Variants in SCO2 observed in about 807,000 individuals in gnomAD.
The protein encoded by SCO2 is synthesis of cytochrome C oxidase 2.
For synonymous variants in SCO2, 195 were observed against 148.6 expected (o/e 1.31, Z -2.27); for missense variants, 429 against 348.7 (o/e 1.23, Z -1.83).
At chr22:50,524,628 C>T (rs938390788) in intron 1 of SCO2, 13 of 709,384 alleles carry the variant, frequency 1.8e-5, no homozygotes, top group South Asian at 4.5e-5. Context: ...TCACTCCTGT[C>T]CTCTACCTGG....
upstream of SCO2, chr22:50,526,268 C>T (rs764142194): frequency 5.5e-5 from 85 of 1,541,616 alleles, no homozygotes; most frequent in African/African-American, 7.0e-5. Context: ...CCAGCAGCTC[C>T]TCCTGCTCCC....
In SCO2 at chr22:50,523,865, C is replaced by T. The variant is rs1483105876; in HGVS notation, c.547G>A (p.Asp183Asn). Residue 183 changes from aspartate (D) to asparagine (N), a missense_variant, in exon 2 of 2, where the codon GAC becomes AAC. By Grantham distance (23) the Asp-to-Asn change is conservative. Transcript: ENST00000395693. ...AGACCCAACAGTCTTGGGTGGAAGTCCTGGACGTAGCGGGCCATGGCTTCA... is the reference window on the plus strand; with the variant it reads ...AGACCCAACAGTCTTGGGTGGAAGTTCTGGACGTAGCGGGCCATGGCTTCA... ...DVEAMARYVQDFHPRLLGLTG... is the reference protein window; with the variant it reads ...DVEAMARYVQNFHPRLLGLTG... 5.0e-6 allele frequency: 8 copies of T among 1,613,866 alleles called. No individual in the cohort carries two copies. Among genetic ancestry groups the T allele is most frequent in the East Asian group, 2.2e-5 (1 of 44,894 alleles).
Position 50,525,570 on chromosome 22 carries a change from C to G in SCO2, c.-112G>C. On this transcript the variant is annotated 5_prime_UTR_variant, in exon 1 of 2. Coordinates refer to ENST00000395693, the MANE Select transcript of SCO2 (RefSeq NM_005138.3). The stretch of plus-strand genomic sequence containing the variant: ...CCGCCGGCTCAGGGAAAGCGGGCGC[C>G]ACACGCTCACAGGCAGGGCGCAGGC... 1.3e-6 allele frequency: 1 copy of G among 770,058 alleles called. No individual in the cohort carries two copies. The highest frequency in any genetic ancestry group is 2.1e-6 in the Non-Finnish European group (1 of 486,942). 47.7% of individuals were successfully genotyped at this position (770,058 alleles called of 1,614,324 possible).
At position 50,524,177 on chromosome 22, in the gene SCO2, TCA is replaced by T. The variant is rs2069220686; in HGVS notation, c.233_234del (p.Leu78GlnfsTer3). On this transcript the variant is annotated frameshift_variant, in exon 2 of 2. Transcript: ENST00000395693. LOFTEE classifies it low-confidence loss of function (END_TRUNC). The part of the protein sequence containing the change: ...GAGLGGAWLA[L>X]RAEKERLQQQ... ...TGCTGCAGCCTCTCCTTCTCAGCCCTCAGGGCCAGCCAGGCCCCACCGAGTCC... is the reference window on the plus strand; with the variant it reads ...TGCTGCAGCCTCTCCTTCTCAGCCCTGGGCCAGCCAGGCCCCACCGAGTCC... The T allele has an allele frequency of 3.7e-6, 6 of 1,609,660 alleles. No individual in the cohort carries two copies. The highest frequency in any genetic ancestry group is 4.2e-6 in the Non-Finnish European group (5 of 1,179,932).
upstream of SCO2, chr22:50,525,623 G>GA: frequency 8.0e-7 from 1 of 1,253,898 alleles, no homozygotes; most frequent in East Asian, 2.6e-5. Flanking sequence ...TGCGCACACG[G>GA]GCGCAGCCGC....
Position 50,524,060 on chromosome 22 carries a change from C to A in SCO2, c.352G>T (p.Asp118Tyr). 6.2e-7 allele frequency: 1 copy of A among 1,613,364 alleles called. No homozygotes were observed. The highest frequency in any genetic ancestry group is 1.1e-5 in the South Asian group (1 of 91,084). Residue 118 changes from aspartate to tyrosine, a missense_variant, in exon 2 of 2, where the codon GAC becomes TAC. By Grantham distance (160) the Asp-to-Tyr change is radical (BLOSUM62 -3). Transcript: ENST00000395693. Reference sequence around the variant, plus strand: ...ATCAGCACCCACTGGCCCCGGAAGTCAGCCTTGCAGCGAGCCCGGCCTCTG... The same window carrying A: ...ATCAGCACCCACTGGCCCCGGAAGTAAGCCTTGCAGCGAGCCCGGCCTCTG... The part of the protein sequence containing the change: ...DHRGRARCKA[D>Y]FRGQWVLMYF...
At chr22:50,524,649 C>G in intron 1 of SCO2, 1 of 700,342 alleles carries the variant, frequency 1.4e-6, no homozygotes, top group Admixed American at 2.0e-5. Context: ...GATCACCAGC[C>G]TGTCACCGCA....
chr22:50,525,538 C>A lies in SCO2; in HGVS notation c.-80G>T, dbSNP rs566024041. On this transcript the variant is annotated 5_prime_UTR_variant, in exon 1 of 2. Coordinates refer to ENST00000395693, the MANE Select transcript of SCO2 (RefSeq NM_005138.3). The stretch of plus-strand genomic sequence containing the variant: ...AAGCGCCGACCTCCAGCTCCCTGCG[C>A]TCTGCCCCGCCGGCTCAGGGAAAGC... The A allele has an allele frequency of 3.1e-6, 2 of 636,714 alleles. No individual in the cohort carries two copies. The highest frequency in any genetic ancestry group is 2.9e-5 in the Admixed American group (1 of 34,698). The allele number at this position is 636,714 out of a possible 1,614,324, so 39.4% of individuals were successfully genotyped here. A position where few individuals can be genotyped will look rare whatever the true frequency, so the allele number is the denominator to read the frequency against.
upstream of SCO2, chr22:50,525,807 G>C (rs11479): frequency 3.7e-6 from 6 of 1,610,356 alleles, no homozygotes; most frequent in Non-Finnish European, 5.1e-6. Context: ...TGCGAAGGGC[G>C]AGGGGGCGGC....
In SCO2 at chr22:50,525,469, CACCTCGCGGCGGGGCCGCGCGTCAGT is replaced by C. The variant is rs1375987205; in HGVS notation, c.-37_-14+2del. 2 of 468,350 alleles carry C rather than the reference CACCTCGCGGCGGGGCCGCGCGTCAGT, an allele frequency of 4.3e-6. No homozygotes were observed. Among genetic ancestry groups the C allele is most frequent in the South Asian group, 2.3e-5 (1 of 42,778 alleles). 29.0% of individuals were successfully genotyped at this position (468,350 alleles called of 1,614,324 possible). A position where few individuals can be genotyped will look rare whatever the true frequency, so the allele number is the denominator to read the frequency against. On this transcript the variant is annotated splice_donor_variant and 5_prime_UTR_variant, in exon 1 of 2. Transcript: ENST00000395693. LOFTEE classifies it low-confidence loss of function (5UTR_SPLICE). Reference sequence around the variant, plus strand: ...CCTCCCCTCCCAGCCCCGGCGTCCGCACCTCGCGGCGGGGCCGCGCGTCAGTGGACCAAGCACGAGAGGAAGCGCCG... The same window carrying C: ...CCTCCCCTCCCAGCCCCGGCGTCCGCGGACCAAGCACGAGAGGAAGCGCCG...
At chr22:50,525,670 C>T (rs1358120710), upstream of SCO2, 3 of 1,526,868 alleles carry the variant, frequency 2.0e-6, no homozygotes, top group Middle Eastern at 4.2e-4. Flanking sequence ...AGGCGGAGCC[C>T]GCCGGGGGTC....
upstream of SCO2, chr22:50,526,158 TGA>T: frequency 6.8e-7 from 1 of 1,475,624 alleles, no homozygotes; most frequent in Non-Finnish European, 8.9e-7. Flanking sequence ...GGAGAGGGGC[TGA>T]GAGGCGCGGG....
Position 50,525,474 on chromosome 22 carries a change from C to T in SCO2, c.-16G>A. On this transcript the variant is annotated splice_region_variant and 5_prime_UTR_variant, in exon 1 of 2. Coordinates refer to ENST00000395693, the MANE Select transcript of SCO2 (RefSeq NM_005138.3). ...CCTCCCAGCCCCGGCGTCCGCACCT[C>T]GCGGCGGGGCCGCGCGTCAGTGGAC... 1 of 475,288 alleles carries T rather than the reference C, an allele frequency of 2.1e-6. No homozygotes were observed. Among genetic ancestry groups the T allele is most frequent in the Non-Finnish European group, 3.8e-6 (1 of 266,476 alleles). The allele number at this position is 475,288 out of a possible 1,614,324, so 29.4% of individuals were successfully genotyped here. A position where few individuals can be genotyped will look rare whatever the true frequency, so the allele number is the denominator to read the frequency against.
upstream of SCO2, chr22:50,526,258 C>T (rs771700483): frequency 5.1e-5 from 78 of 1,535,998 alleles, no homozygotes; most frequent in Non-Finnish European, 6.5e-5. Context: ...TCTGCGGGCG[C>T]CAGCAGCTCC....
At chr22:50,526,328 G>A (rs771137260), upstream of SCO2, 12 of 1,561,576 alleles carry the variant, frequency 7.7e-6, no homozygotes, top group African/African-American at 1.7e-4. Context: ...CCGAGCACAG[G>A]GCTCGGGCCA....
chr22:50,525,682 C>T, upstream of SCO2: 1 of 1,542,422 alleles, frequency 6.5e-7, no homozygotes, highest in Non-Finnish European at 8.8e-7. Context: ...CCGGGGGTCA[C>T]GTGTTCATCG....
chr22:50,525,532 C>G lies in SCO2; in HGVS notation c.-74G>C. 1.6e-6 allele frequency: 1 copy of G among 615,720 alleles called. No individual in the cohort carries two copies. The highest frequency in any genetic ancestry group is 3.0e-5 in the Admixed American group (1 of 33,346). 38.1% of individuals were successfully genotyped at this position (615,720 alleles called of 1,614,324 possible). ...GAGAGGAAGCGCCGACCTCCAGCTC[C>G]CTGCGCTCTGCCCCGCCGGCTCAGG... On this transcript the variant is annotated 5_prime_UTR_variant, in exon 1 of 2. Coordinates refer to ENST00000395693, the MANE Select transcript of SCO2 (RefSeq NM_005138.3).
rs142239527 is a variant in SCO2, at chr22:50,523,875, G to C, written c.537C>G (p.Arg179=). ...PERDDVEAMA[R]YVQDFHPRLL... is the part of the protein sequence containing the mutation. ...GTCTTGGGTGGAAGTCCTGGACGTA[G>C]CGGGCCATGGCTTCAACGTCGTCCC... Residue 179 remains arginine, a synonymous_variant, in exon 2 of 2, where the codon CGC becomes CGG. Coordinates refer to ENST00000395693, the MANE Select transcript of SCO2 (RefSeq NM_005138.3). The C allele has an allele frequency of 1.1e-4, 173 of 1,613,820 alleles. No homozygotes were observed. The highest frequency in any genetic ancestry group is 1.4e-4 in the Non-Finnish European group (161 of 1,180,032).
At chr22:50,525,430 C>T (rs1032040262) in intron 1 of SCO2, 42 bp downstream of exon 1, 2 of 380,656 alleles carry the variant, frequency 5.3e-6, no homozygotes, top group Non-Finnish European at 9.6e-6. Context: ...TCCAGCGAGT[C>T]CTCAGGGCTA....
Sources: gnomAD v4.1 joint callset for allele counts on GRCh38, gnomAD v4.1.1 for gene constraint, MANE v1.5 for transcripts, NCBI Gene and HGNC (gene_info 2026-07-23, HGNC 2026-07-21) for gene names.